HSD17B3: variants seen among roughly 807,000 people sequenced by gnomAD.
HSD17B3 encodes the protein hydroxysteroid 17-beta dehydrogenase 3, also known as 17-beta-hydroxysteroid dehydrogenase type 3.
Under a neutral mutation model 41.1 loss-of-function variants are expected in HSD17B3, and 29 were observed. The ratio of observed to expected loss-of-function variants is 0.71; its 90% CI spans 0.53 to 0.96. The LOEUF is 0.96. HSD17B3 is among the 40% of genes least tolerant of loss of function. The pLI is 0.00. For missense variants in HSD17B3, 323 were observed against 374.6 expected (o/e 0.86, Z 1.14); for synonymous variants, 126 against 145.6 (o/e 0.87, Z 0.97).
intron 2 of HSD17B3, among the ~76,000 whole-genome samples, chr9:96,274,279 A>C (rs955773511): frequency 1.3e-5 from 2 of 152,212 alleles, no homozygotes; most frequent in African/African-American, 4.8e-5. Flanking sequence ...TCTCTACTAA[A>C]AATACAAAAA....
chr9:96,291,420 G>C (rs1450621457), intron 2 of HSD17B3, among the ~76,000 whole-genome samples: 1 of 143,002 alleles, frequency 7.0e-6, no homozygotes, highest in African/African-American at 2.6e-5. Context: ...CCACCTGGTA[G>C]AAACTAGTCA....
intron 10 of HSD17B3, among the ~76,000 whole-genome samples, chr9:96,238,958 C>T (rs1427027204): frequency 1.3e-5 from 2 of 152,320 alleles, no homozygotes; most frequent in Middle Eastern, 3.4e-3. Context: ...TTCAGGTCCA[C>T]GTTGGTGCTG....
At chr9:96,293,468 C>A (rs1229615757) in intron 2 of HSD17B3, among the ~76,000 whole-genome samples, 2 of 150,404 alleles carry the variant, frequency 1.3e-5, no homozygotes, top group South Asian at 2.1e-4. Context: ...TTGGGACACA[C>A]CAGCCTCCAT....
chr9:96,300,607 T>TTGTGTGTGTGTGTGTGTGTG (rs10545828), intron 1 of HSD17B3, among the ~76,000 whole-genome samples: 2 of 109,810 alleles, frequency 1.8e-5, no homozygotes, highest in African/African-American at 6.0e-5. Flanking sequence ...ATTGGATTCT[T>TTGTGTGTGTGTGTGTGTGTG]TGTGTGTGTG....
At chr9:96,272,661 T>A (rs2130764566) in intron 2 of HSD17B3, among the ~76,000 whole-genome samples, 1 of 151,394 alleles carries the variant, frequency 6.6e-6, no homozygotes, top group East Asian at 2.0e-4. Context: ...TGCAGTTTCC[T>A]AAGAAACTAA....
In HSD17B3 at chr9:96,301,926, A is replaced by C. The variant is rs748613560; in HGVS notation, c.154+25T>G. ...CAAGCAGGAACAACAGCAGCAAAAA[A>C]ACATGAGATGGAACACTCCCTTACC... On this transcript the variant is annotated intron_variant, in intron 1 of 10. Coordinates refer to ENST00000375263, the MANE Select transcript of HSD17B3 (RefSeq NM_000197.2). The C allele has an allele frequency of 5.6e-6, 9 of 1,613,012 alleles. No individual in the cohort carries two copies. The East Asian group carries it at 1.8e-4, about 32-fold the overall frequency.
At chr9:96,241,997 G>GAAAT (rs1376050653) in intron 9 of HSD17B3, among the ~76,000 whole-genome samples, 1 of 128,686 alleles carries the variant, frequency 7.8e-6, no homozygotes, top group Non-Finnish European at 1.7e-5. Flanking sequence ...AAGAAAGAAA[G>GAAAT]AAAGAAAGAG....
chr9:96,254,371 A>C (rs1363540178), intron 3 of HSD17B3, among the ~76,000 whole-genome samples: 2 of 152,240 alleles, frequency 1.3e-5, no homozygotes, highest in Non-Finnish European at 2.9e-5. Context: ...AGAAGCAACC[A>C]GGCAGCCTGC....
At chr9:96,260,835 TTTCTTTGG>T (rs1564037171) in intron 2 of HSD17B3, among the ~76,000 whole-genome samples, 1 of 152,080 alleles carries the variant, frequency 6.6e-6, no homozygotes, top group Admixed American at 6.5e-5. Context: ...GTGAAAAGGA[TTTCTTTGG>T]TTCTCTCTGC....
At chr9:96,265,540 G>A (rs1002921634) in intron 2 of HSD17B3, among the ~76,000 whole-genome samples, 8 of 152,058 alleles carry the variant, frequency 5.3e-5, no homozygotes, top group South Asian at 2.1e-4. Flanking sequence ...ACATACTACC[G>A]TGCTCTACTA....
At position 96,257,710 on chromosome 9, in the gene HSD17B3, T is replaced by C. The variant is rs530615745; in HGVS notation, c.202-2767A>G. 7.7e-4 allele frequency among the ~76,000 whole-genome samples: 117 copies of C among 152,342 alleles called. 3 individuals are homozygous for C. The South Asian group carries it at 0.023, about 30-fold the overall frequency. ...CTTAGGGTGTTTTCAAGTTTTCCTA[T>C]TACCACTCTTGCTACAGTGCAAGCC... On this transcript the variant is annotated intron_variant, in intron 2 of 10. Transcript: ENST00000375263.
At position 96,270,273 on chromosome 9, in the gene HSD17B3, G is replaced by C. The variant is rs202108833; in HGVS notation, c.202-15330C>G. On this transcript the variant is annotated intron_variant, in intron 2 of 10. Coordinates refer to ENST00000375263, the MANE Select transcript of HSD17B3 (RefSeq NM_000197.2). ...ACACACACACACACACACACACAGAGAGAGAGAGAGAGAGAGACAGAGACA... is the reference window on the plus strand; with the variant it reads ...ACACACACACACACACACACACAGACAGAGAGAGAGAGAGAGACAGAGACA... 1.9e-3 allele frequency among the ~76,000 whole-genome samples: 210 copies of C among 111,974 alleles called. 1 individual carries two copies. The Middle Eastern group carries it at 0.031, about 17-fold the overall frequency. The allele number at this position is 111,974 out of a possible 152,430, so 73.5% of individuals were successfully genotyped here. A position where few individuals can be genotyped will look rare whatever the true frequency, so the allele number is the denominator to read the frequency against.
intron 10 of HSD17B3, among the ~76,000 whole-genome samples, chr9:96,239,041 G>T (rs1364916501): frequency 2.0e-5 from 3 of 152,356 alleles, no homozygotes; most frequent in Non-Finnish European, 4.4e-5. Context: ...GCTGGAGGGG[G>T]ATGTGGCAGA....
intron 6 of HSD17B3, among the ~76,000 whole-genome samples, chr9:96,249,088 G>A (rs1044205970): frequency 2.0e-5 from 3 of 152,016 alleles, no homozygotes; most frequent in Admixed American, 2.0e-4. Context: ...GTATTTTTTA[G>A]TAGAGACAGG....
intron 2 of HSD17B3, among the ~76,000 whole-genome samples, chr9:96,272,911 G>A (rs368668884): frequency 1.3e-5 from 2 of 152,142 alleles, no homozygotes; most frequent in Non-Finnish European, 2.9e-5. Flanking sequence ...ATATAATGAC[G>A]TTGGTGAATC....
At chr9:96,273,786 GCTGACTGC>G (rs1826351425) in intron 2 of HSD17B3, among the ~76,000 whole-genome samples, 1 of 152,080 alleles carries the variant, frequency 6.6e-6, no homozygotes, top group African/African-American at 2.4e-5. Flanking sequence ...ACTAACCCAA[GCTGACTGC>G]TTGGAGTCCA....
intron 8 of HSD17B3, among the ~76,000 whole-genome samples, chr9:96,244,630 T>C (rs997706096): frequency 6.6e-6 from 1 of 151,906 alleles, no homozygotes; most frequent in African/African-American, 2.4e-5. Context: ...ACCTGAAAAT[T>C]ACTAAGCAAG....
chr9:96,242,140 G>C (rs1490652315), intron 9 of HSD17B3, among the ~76,000 whole-genome samples: 1 of 151,908 alleles, frequency 6.6e-6, no homozygotes, highest in Non-Finnish European at 1.5e-5. Context: ...TAATCCAAAT[G>C]AGCAGGTTCC....
chr9:96,270,223 T>C (rs1230775450), intron 2 of HSD17B3, among the ~76,000 whole-genome samples: 1 of 151,126 alleles, frequency 6.6e-6, no homozygotes, highest in Non-Finnish European at 1.5e-5. Context: ...TACACTCTTA[T>C]TTGATCTATC....
Sources: allele counts gnomAD v4.1 joint callset (sites outside exome capture counted in the v4.1 genomes callset), GRCh38; gene constraint gnomAD v4.1.1; transcripts MANE v1.5; gene names NCBI Gene and HGNC (gene_info 2026-07-23, HGNC 2026-07-21).